Variants in ZNF331 observed in about 807,000 individuals in gnomAD.
ZNF331 encodes the protein C2H2-like zinc finger protein rearranged in thyroid adenomas.
A neutral mutation model predicts 7.0 loss-of-function variants in ZNF331; 2 were observed. That is an observed-to-expected ratio of 0.29 (90% CI 0.12 to 0.90). The LOEUF (loss-of-function observed/expected upper bound fraction) is 0.90, where lower values mean the gene tolerates loss of function less well. ZNF331 is among the 40% of genes least tolerant of loss of function. The pLI is 0.58. For synonymous variants in ZNF331, 196 were observed against 205.4 expected (o/e 0.95, Z 0.39); for missense variants, 432 against 587.7 (o/e 0.74, Z 2.74).
At chr19:53,548,613 C>T (rs1296515066) in intron 2 of ZNF331, among the ~76,000 whole-genome samples, 1 of 152,156 alleles carries the variant, frequency 6.6e-6, no homozygotes, top group Non-Finnish European at 1.5e-5. Flanking sequence ...CTCTCCCAAT[C>T]CATAGGCTAC....
At chr19:53,562,331 A>C (rs2089932763) in intron 3 of ZNF331, among the ~76,000 whole-genome samples, 1 of 152,154 alleles carries the variant, frequency 6.6e-6, no homozygotes, top group African/African-American at 2.4e-5. Flanking sequence ...TTGCAAGATA[A>C]AATAATGAGG....
intron 3 of ZNF331, among the ~76,000 whole-genome samples, chr19:53,566,079 C>T (rs1349846995): frequency 2.0e-5 from 3 of 152,024 alleles, no homozygotes; most frequent in African/African-American, 7.3e-5. Context: ...TACTCGTGAC[C>T]GATTTATTCC....
chr19:53,540,171 C>G (rs1242345239), intron 2 of ZNF331, among the ~76,000 whole-genome samples: 2 of 152,176 alleles, frequency 1.3e-5, no homozygotes. Context: ...TTTGCACACA[C>G]TCCTTAATTT....
intron 2 of ZNF331, among the ~76,000 whole-genome samples, chr19:53,545,413 C>T (rs1009796303): frequency 1.3e-5 from 2 of 152,356 alleles, no homozygotes; most frequent in African/African-American, 2.4e-5. Flanking sequence ...AACAGCAGCT[C>T]GGGCAGCCTG....
At chr19:53,527,490 G>C (rs984730204) in intron 2 of ZNF331, among the ~76,000 whole-genome samples, 1 of 152,142 alleles carries the variant, frequency 6.6e-6, no homozygotes, top group Non-Finnish European at 1.5e-5. Context: ...GTAATCACAG[G>C]GTATTAGAAG....
At chr19:53,569,228 G>GAGC (rs1441483658) in intron 3 of ZNF331, 76 bp from the exon 4 acceptor site, 1 of 732,494 alleles carries the variant, frequency 1.4e-6, no homozygotes, top group East Asian at 2.5e-5. Context: ...CAAGACAGAG[G>GAGC]AGCCAAAAGG....
At chr19:53,529,469 T>C (rs2087446169) in intron 2 of ZNF331, among the ~76,000 whole-genome samples, 1 of 152,106 alleles carries the variant, frequency 6.6e-6, no homozygotes, top group Non-Finnish European at 1.5e-5. Flanking sequence ...AATGACAGTG[T>C]CCTAGTTGTG....
chr19:53,506,444 G>GTCTCTCTCTCTCTCTC, the ZNF331 span, among the ~76,000 whole-genome samples: 1 of 86,258 alleles, frequency 1.2e-5, no homozygotes, highest in African/African-American at 5.0e-5. Context: ...CTCTCTCTCT[G>GTCTCTCTCTCTCTCTC]TCTCTCTCTC....
chr19:53,529,686 T>A (rs10412820), intron 2 of ZNF331, among the ~76,000 whole-genome samples: 39,883 of 152,090 alleles, frequency 0.26, 6,186 homozygotes, highest in African/African-American at 0.43. Flanking sequence ...TGAAAACCAG[T>A]ATTTTGAGTC....
intron 2 of ZNF331, among the ~76,000 whole-genome samples, chr19:53,524,618 TTTTTC>T (rs2087222292): frequency 2.0e-5 from 3 of 152,206 alleles, no homozygotes; most frequent in African/African-American, 7.2e-5. Context: ...GTTTTTTGTT[TTTTTC>T]TTGTAAATTT....
chr19:53,544,281 C>G (rs866199760), intron 2 of ZNF331, among the ~76,000 whole-genome samples: 64 of 148,772 alleles, frequency 4.3e-4, no homozygotes, highest in African/African-American at 1.6e-3. Flanking sequence ...TGTGGTGGCT[C>G]ATGCCTGTAA....
chr19:53,577,657 G>A lies in ZNF331; in HGVS notation c.1097G>A (p.Cys366Tyr). 3.1e-6 allele frequency: 5 copies of A among 1,614,072 alleles called. No individual in the cohort carries two copies. The highest frequency in any genetic ancestry group is 3.4e-6 in the Non-Finnish European group (4 of 1,180,016). ...ACAGAATGTGGGAAGGCCTTCAATT[G>A]TGGCTATCACCTCACTCAGCACGAG... ...KCTECGKAFN[C>Y]GYHLTQHERI... Residue 366 changes from cysteine (C) to tyrosine (Y), a missense_variant, in exon 6 of 6, where the codon TGT becomes TAT. Physicochemically the swap from Cys to Tyr is radical, Grantham distance 194. This residue lies in a region of ZNF331 where 312 missense variants were observed against 448.6 expected (regional missense o/e 0.70). Transcript: ENST00000449416.
rs548224762 is a variant in ZNF331, at chr19:53,569,747, G to A, written c.9+362G>A. Among the ~76,000 whole-genome samples, 147 of 152,260 alleles carry A rather than the reference G, an allele frequency of 9.7e-4. 1 individual carries two copies. In the South Asian group the frequency reaches 0.028, roughly 29 times the overall value. On this transcript the variant is annotated intron_variant, in intron 4 of 5. Coordinates refer to ENST00000449416, the MANE Select transcript of ZNF331 (RefSeq NM_001079906.2). ...ATCCTCCACTGATCATGTTTTCTGC[G>A]TAGATAAGAGGGAATGCTCATATTC... is the stretch of plus-strand genomic sequence containing the variant.
chr19:53,546,140 GA>G (rs527391326), intron 2 of ZNF331, among the ~76,000 whole-genome samples: 27,520 of 113,456 alleles, frequency 0.24, 3,957 homozygotes, highest in South Asian at 0.39. Context: ...TCCTGAGGGG[GA>G]AAAAAAAAAA....
the ZNF331 span, among the ~76,000 whole-genome samples, chr19:53,512,931 G>A: frequency 6.6e-6 from 1 of 150,438 alleles, no homozygotes; most frequent in African/African-American, 2.4e-5. Context: ...AGTCCCTGGT[G>A]CCAAAAACGC....
At chr19:53,525,496 G>A in intron 2 of ZNF331, among the ~76,000 whole-genome samples, 1 of 152,038 alleles carries the variant, frequency 6.6e-6, no homozygotes, top group Non-Finnish European at 1.5e-5. Context: ...GGATTCCTAG[G>A]TATTTTATTT....
chr19:53,546,213 A>C (rs899206463), intron 2 of ZNF331, among the ~76,000 whole-genome samples: 2 of 150,774 alleles, frequency 1.3e-5, no homozygotes, highest in Non-Finnish European at 3.0e-5. Context: ...ATTATGTCTA[A>C]TGTCAATTGC....
At chr19:53,527,152 G>A (rs1269107400) in intron 2 of ZNF331, among the ~76,000 whole-genome samples, 1 of 151,898 alleles carries the variant, frequency 6.6e-6, no homozygotes, top group African/African-American at 2.4e-5. Context: ...GATTGTGCCT[G>A]GGTGACAGAG....
Position 53,571,475 on chromosome 19 carries a change from C to A in ZNF331, c.10-129C>A. The A allele has an allele frequency of 1.7e-6, 2 of 1,155,034 alleles. No individual in the cohort carries two copies. The highest frequency in any genetic ancestry group is 2.5e-6 in the Non-Finnish European group (2 of 804,954). 71.5% of individuals were successfully genotyped at this position (1,155,034 alleles called of 1,614,324 possible). A position where few individuals can be genotyped will look rare whatever the true frequency, so the allele number is the denominator to read the frequency against. ...ACAGTTACAGTGATGTCCTTACCGC[C>A]CCTTGCCGATGTCACGGGTGTTCAG... is the stretch of plus-strand genomic sequence containing the variant. On this transcript the variant is annotated intron_variant, in intron 4 of 5. Transcript: ENST00000449416. This position sits in a 1 kb window ranked among gnomAD's most constrained non-coding sequence, Gnocchi z 4.7.
Sources: allele counts gnomAD v4.1 joint callset (sites outside exome capture counted in the v4.1 genomes callset), GRCh38; gene constraint gnomAD v4.1.1; regional missense constraint gnomAD v4.1.1; non-coding constraint Gnocchi (gnomAD v3.1); transcripts MANE v1.5; gene names NCBI Gene and HGNC (gene_info 2026-07-23, HGNC 2026-07-21).